SPOCK1: variants seen among roughly 807,000 people sequenced by gnomAD.
SPOCK1 encodes SPARC (osteonectin), cwcv and kazal like domains proteoglycan 1, also known as testican-1.
SPOCK1 carries 23 observed loss-of-function variants against 55.3 expected under a neutral mutation model. The observed-to-expected ratio is 0.42, with a 90% confidence interval of 0.30 to 0.59. The LOEUF is 0.59. Ranked by LOEUF, SPOCK1 falls within the 20% of genes least tolerant of loss-of-function variation. The pLI is 0.22. For missense variants in SPOCK1, 499 were observed against 552.5 expected (o/e 0.90, Z 0.97); for synonymous variants, 226 against 221.0 (o/e 1.02, Z -0.20).
chr5:137,337,199 C>G (rs957911043), intron 2 of SPOCK1, among the ~76,000 whole-genome samples: 3 of 152,178 alleles, frequency 2.0e-5, no homozygotes, highest in Non-Finnish European at 4.4e-5. Context: ...CAAAAAAGTA[C>G]AGTGTATCTC....
At chr5:136,984,100 GCCTTCAGACCAGAAAT>G (rs753135930) in intron 9 of SPOCK1, among the ~76,000 whole-genome samples, 4 of 152,178 alleles carry the variant, frequency 2.6e-5, no homozygotes, top group Non-Finnish European at 4.4e-5. Flanking sequence ...CAGCCACTTT[GCCTTCAGACCAGAAAT>G]ATATCTTTAT....
chr5:137,418,506 G>A (rs1459009195), intron 2 of SPOCK1, among the ~76,000 whole-genome samples: 4 of 152,106 alleles, frequency 2.6e-5, no homozygotes, highest in Non-Finnish European at 4.4e-5. Context: ...TCTAACTGGT[G>A]TGAGATGGTA....
intron 2 of SPOCK1, chr5:137,313,530 G>A (rs1757822863): frequency 1.1e-5 from 11 of 979,096 alleles, no homozygotes; most frequent in Non-Finnish European, 1.2e-5. Flanking sequence ...GGATCCATAG[G>A]AGAGTCACAG....
At chr5:137,156,077 C>A (rs1481826256) in intron 3 of SPOCK1, among the ~76,000 whole-genome samples, 2 of 152,168 alleles carry the variant, frequency 1.3e-5, no homozygotes, top group African/African-American at 4.8e-5. Flanking sequence ...AACCACATAG[C>A]ATCACCAGAT....
chr5:137,299,047 T>C (rs1224219246), intron 2 of SPOCK1, among the ~76,000 whole-genome samples: 1 of 152,192 alleles, frequency 6.6e-6, no homozygotes, highest in African/African-American at 2.4e-5. Context: ...TTGTTCCATC[T>C]GTTCTAATTC....
intron 2 of SPOCK1, among the ~76,000 whole-genome samples, chr5:137,308,888 GAC>G (rs1474616783): frequency 6.6e-6 from 1 of 152,130 alleles, no homozygotes; most frequent in African/African-American, 2.4e-5. Context: ...AGAACCAGAA[GAC>G]AGTGAAACAG....
intron 6 of SPOCK1, among the ~76,000 whole-genome samples, chr5:137,019,541 C>T (rs1357768634): frequency 6.6e-6 from 1 of 152,044 alleles, no homozygotes; most frequent in Non-Finnish European, 1.5e-5. Context: ...TTTCACTGTG[C>T]TTTTGTTTTT....
intron 2 of SPOCK1, among the ~76,000 whole-genome samples, chr5:137,344,459 A>G (rs1750508940): frequency 6.6e-6 from 1 of 152,238 alleles, no homozygotes; most frequent in South Asian, 2.1e-4. Flanking sequence ...CTAGATGTTC[A>G]CAGCACACCT....
intron 2 of SPOCK1, among the ~76,000 whole-genome samples, chr5:137,305,408 T>C (rs1164372282): frequency 2.0e-5 from 3 of 152,176 alleles, no homozygotes; most frequent in Non-Finnish European, 4.4e-5. Flanking sequence ...TGATTACATC[T>C]GTAAAGACCT....
At chr5:137,305,124 G>A (rs904475673) in intron 2 of SPOCK1, among the ~76,000 whole-genome samples, 10 of 152,084 alleles carry the variant, frequency 6.6e-5, no homozygotes, top group Admixed American at 2.0e-4. Flanking sequence ...AACCACCCTC[G>A]AATTTGCTGT....
At chr5:137,280,119 GA>G (rs1010771414) in intron 2 of SPOCK1, among the ~76,000 whole-genome samples, 3 of 152,118 alleles carry the variant, frequency 2.0e-5, no homozygotes, top group Admixed American at 1.3e-4. Context: ...GTTTGCAGGG[GA>G]CTAGAGAAGC....
chr5:137,481,183 TTCTC>T (rs10537580), intron 2 of SPOCK1, among the ~76,000 whole-genome samples: 66,946 of 151,602 alleles, frequency 0.44, 15,072 homozygotes, highest in African/African-American at 0.53. Flanking sequence ...AGCAGATGCC[TTCTC>T]TCTCTCTGCA....
At chr5:137,015,706 G>A (rs1371293078) in intron 6 of SPOCK1, among the ~76,000 whole-genome samples, 1 of 152,186 alleles carries the variant, frequency 6.6e-6, no homozygotes, top group African/African-American at 2.4e-5. Context: ...AGACTACAGA[G>A]GGGGAAATCC....
chr5:137,122,991 G>A (rs1209559538), intron 4 of SPOCK1, among the ~76,000 whole-genome samples: 1 of 152,166 alleles, frequency 6.6e-6, no homozygotes, highest in Non-Finnish European at 1.5e-5. Context: ...AAGCAGAAGT[G>A]GCTTCAGGGA....
intron 4 of SPOCK1, among the ~76,000 whole-genome samples, chr5:137,133,164 T>C (rs1753915600): frequency 6.6e-6 from 1 of 152,056 alleles, no homozygotes; most frequent in South Asian, 2.1e-4. Context: ...GGTCAGGTGA[T>C]ACAGACCATC....
At chr5:137,419,508 G>A (rs1752435560) in intron 2 of SPOCK1, among the ~76,000 whole-genome samples, 1 of 152,072 alleles carries the variant, frequency 6.6e-6, no homozygotes, top group African/African-American at 2.4e-5. Context: ...CCTTGAAGAG[G>A]TCCTTCACAT....
intron 2 of SPOCK1, among the ~76,000 whole-genome samples, chr5:137,269,701 G>A (rs141346720): frequency 6.6e-6 from 1 of 152,294 alleles, no homozygotes; most frequent in East Asian, 1.9e-4. Context: ...CAAAACTCAA[G>A]TGGAGAAAGC....
chr5:137,300,031 C>T (rs1554074711), intron 2 of SPOCK1, among the ~76,000 whole-genome samples: 2 of 152,182 alleles, frequency 1.3e-5, no homozygotes, highest in Non-Finnish European at 2.9e-5. Flanking sequence ...TCCTATTACA[C>T]ATATATTAGA....
At position 136,977,677 on chromosome 5, in the gene SPOCK1, A is replaced by G. The variant is rs983452893; in HGVS notation, c.*977T>C. 1.0e-5 allele frequency: 4 copies of G among 397,394 alleles called. No individual in the cohort carries two copies. Among genetic ancestry groups the G allele is most frequent in the African/African-American group, 2.1e-5 (1 of 48,548 alleles). The allele number at this position is 397,394 out of a possible 1,614,324, so 24.6% of individuals were successfully genotyped here. ...GCAGAAATGAAAGAGATGGCTTGTGAAGCTGCCCGTGTCGTGTGGGAGTCG... is the reference window on the plus strand; with the variant it reads ...GCAGAAATGAAAGAGATGGCTTGTGGAGCTGCCCGTGTCGTGTGGGAGTCG... On this transcript the variant is annotated 3_prime_UTR_variant, in exon 11 of 11. Coordinates refer to ENST00000394945, the MANE Select transcript of SPOCK1 (RefSeq NM_004598.4).
Sources: allele counts gnomAD v4.1 joint callset (sites outside exome capture counted in the v4.1 genomes callset), GRCh38; gene constraint gnomAD v4.1.1; transcripts MANE v1.5; gene names NCBI Gene and HGNC (gene_info 2026-07-23, HGNC 2026-07-21).